HS3ST3A1: variants seen among roughly 807,000 people sequenced by gnomAD.
The protein encoded by HS3ST3A1 is heparan sulfate-glucosamine 3-sulfotransferase 3A1, also known as heparan sulfate glucosamine 3-O-sulfotransferase 3A1.
Under a neutral mutation model 25.7 loss-of-function variants are expected in HS3ST3A1, and 19 were observed. That is an observed-to-expected ratio of 0.74 (90% CI 0.52 to 1.08). HS3ST3A1 has a LOEUF of 1.08. Ranked by LOEUF, HS3ST3A1 falls within the 50% of genes least tolerant of loss-of-function variation. The pLI is 0.00. For synonymous variants in HS3ST3A1, 226 were observed against 278.6 expected (o/e 0.81, Z 1.88); for missense variants, 459 against 594.3 (o/e 0.77, Z 2.37).
intron 1 of HS3ST3A1, among the ~76,000 whole-genome samples, chr17:13,547,865 G>A (rs1907129631): frequency 6.7e-6 from 1 of 148,966 alleles, no homozygotes; most frequent in Non-Finnish European, 1.5e-5. Flanking sequence ...CTAACTCCAG[G>A]TAGATAGTGT....
chr17:13,502,810 A>G (rs1344143506), intron 1 of HS3ST3A1, among the ~76,000 whole-genome samples: 1 of 152,154 alleles, frequency 6.6e-6, no homozygotes, highest in Non-Finnish European at 1.5e-5. Flanking sequence ...TTTTGGAAGG[A>G]AACGTAGAAC....
intron 1 of HS3ST3A1, among the ~76,000 whole-genome samples, chr17:13,501,980 G>A (rs560587437): frequency 1.6e-4 from 24 of 152,236 alleles, no homozygotes; most frequent in African/African-American, 3.9e-4. Flanking sequence ...AGATGGGCTC[G>A]GTTTTTAAGG....
chr17:13,556,704 TAGTC>T (rs1321140130), intron 1 of HS3ST3A1, among the ~76,000 whole-genome samples: 1 of 145,924 alleles, frequency 6.9e-6, no homozygotes, highest in Non-Finnish European at 1.5e-5. Context: ...ATACAAAAAT[TAGTC>T]AGGCGTGGTG....
chr17:13,557,116 C>T (rs1907403886), intron 1 of HS3ST3A1, among the ~76,000 whole-genome samples: 1 of 152,326 alleles, frequency 6.6e-6, no homozygotes, highest in South Asian at 2.1e-4. Context: ...AAGCAAACAT[C>T]TAGCCCAGCA....
chr17:13,547,188 G>A (rs970847538), intron 1 of HS3ST3A1, among the ~76,000 whole-genome samples: 1 of 152,086 alleles, frequency 6.6e-6, no homozygotes, highest in African/African-American at 2.4e-5. Flanking sequence ...CTAACACTAT[G>A]TCTTTCCTTT....
At position 13,558,619 on chromosome 17, in the gene HS3ST3A1, T is replaced by C. The variant is rs77697612; in HGVS notation, c.599+41912A>G. Reference sequence around the variant, plus strand: ...GTAACTATTCCAGTTTTATTTTCTTTAAAACGATCTCTATCTATCTGTAGC... The same window carrying C: ...GTAACTATTCCAGTTTTATTTTCTTCAAAACGATCTCTATCTATCTGTAGC... On this transcript the variant is annotated intron_variant, in intron 1 of 1. Coordinates refer to ENST00000284110, the MANE Select transcript of HS3ST3A1 (RefSeq NM_006042.3). Among the ~76,000 whole-genome samples the C allele has an allele frequency of 4.3e-4, 66 of 152,304 alleles. 1 individual carries two copies. The East Asian group carries it at 0.013, about 29-fold the overall frequency.
chr17:13,523,446 G>A (rs1051059130), intron 1 of HS3ST3A1, among the ~76,000 whole-genome samples: 4 of 152,172 alleles, frequency 2.6e-5, no homozygotes, highest in Middle Eastern at 3.2e-3. Context: ...AAGAGGAAAC[G>A]AAAAGGATGC....
At chr17:13,498,837 A>G (rs1328440444) in intron 1 of HS3ST3A1, among the ~76,000 whole-genome samples, 1 of 152,140 alleles carries the variant, frequency 6.6e-6, no homozygotes, top group African/African-American at 2.4e-5. Flanking sequence ...ATAAACGTGT[A>G]TGCCTTTTCT....
In HS3ST3A1 at chr17:13,600,680, C is replaced by T. The variant is rs1908700277; in HGVS notation, c.450G>A (p.Lys150=). The T allele has an allele frequency of 6.3e-7, 1 of 1,584,074 alleles. No homozygotes were observed. Among genetic ancestry groups the T allele is most frequent in the East Asian group, 2.3e-5 (1 of 43,932 alleles). Residue 150 remains lysine (K), a synonymous_variant, in exon 1 of 2, where the codon AAG becomes AAA. Coordinates refer to ENST00000284110, the MANE Select transcript of HS3ST3A1 (RefSeq NM_006042.3). ...TLALLLDEGS[K]QLPQAIIIGV... is the part of the protein sequence containing the mutation. Reference sequence around the variant, plus strand: ...CGATGATGATGGCCTGCGGCAGCTGCTTGCTGCCTTCGTCCAGGAGCAGCG... The same window carrying T: ...CGATGATGATGGCCTGCGGCAGCTGTTTGCTGCCTTCGTCCAGGAGCAGCG...
intron 1 of HS3ST3A1, among the ~76,000 whole-genome samples, chr17:13,551,176 G>C (rs9905396): frequency 6.6e-6 from 1 of 150,870 alleles, no homozygotes; most frequent in Non-Finnish European, 1.5e-5. Flanking sequence ...ATGAAACCCC[G>C]TCTCTATTAA....
intron 1 of HS3ST3A1, among the ~76,000 whole-genome samples, chr17:13,533,355 G>A (rs916228299): frequency 3.3e-5 from 5 of 151,786 alleles, no homozygotes; most frequent in African/African-American, 9.7e-5. Context: ...TATCCTCACA[G>A]CAACCTTGAA....
intron 1 of HS3ST3A1, chr17:13,543,666 G>C (rs1567619314): frequency 6.3e-6 from 1 of 158,854 alleles, no homozygotes; most frequent in Admixed American, 6.5e-5. Flanking sequence ...TGTGAATCTA[G>C]AAGGAAATCT....
At chr17:13,506,104 G>A (rs763319086) in intron 1 of HS3ST3A1, among the ~76,000 whole-genome samples, 14 of 147,610 alleles carry the variant, frequency 9.5e-5, no homozygotes, top group Non-Finnish European at 2.1e-4. Context: ...TTTAAAGTTA[G>A]GGTTTCTGCA....
At chr17:13,571,667 T>C (rs1907816990) in intron 1 of HS3ST3A1, among the ~76,000 whole-genome samples, 1 of 152,218 alleles carries the variant, frequency 6.6e-6, no homozygotes, top group South Asian at 2.1e-4. Context: ...TTTAGTAAAA[T>C]GTAAAGAATA....
chr17:13,540,448 C>A (rs1205510427), intron 1 of HS3ST3A1, among the ~76,000 whole-genome samples: 2 of 152,170 alleles, frequency 1.3e-5, no homozygotes, highest in Admixed American at 6.5e-5. Context: ...TTCTAGGGTT[C>A]CTTCCATCTT....
chr17:13,596,611 T>C (rs960845540), intron 1 of HS3ST3A1, among the ~76,000 whole-genome samples: 3 of 152,078 alleles, frequency 2.0e-5, no homozygotes, highest in Non-Finnish European at 4.4e-5. Context: ...TACGCTAGAC[T>C]CAGAGTCCAA....
At chr17:13,573,170 C>T (rs114474819) in intron 1 of HS3ST3A1, among the ~76,000 whole-genome samples, 82 of 152,240 alleles carry the variant, frequency 5.4e-4, no homozygotes, top group Middle Eastern at 3.4e-3. Flanking sequence ...ATGACCTTTC[C>T]CCAACCTCTA....
intron 1 of HS3ST3A1, among the ~76,000 whole-genome samples, chr17:13,538,012 G>C (rs1388924865): frequency 1.3e-5 from 2 of 152,116 alleles, no homozygotes; most frequent in Non-Finnish European, 2.9e-5. Flanking sequence ...ACATTCTTTA[G>C]CGATTGCTTT....
At chr17:13,515,170 T>A (rs1187102564) in intron 1 of HS3ST3A1, among the ~76,000 whole-genome samples, 1 of 152,172 alleles carries the variant, frequency 6.6e-6, no homozygotes, top group East Asian at 1.9e-4. Context: ...TGCAATAACA[T>A]ATATTTTCTG....
Sources: gnomAD v4.1 joint callset for allele counts (sites outside exome capture counted in the v4.1 genomes callset) on GRCh38, gnomAD v4.1.1 for gene constraint, MANE v1.5 for transcripts, NCBI Gene and HGNC (gene_info 2026-07-23, HGNC 2026-07-21) for gene names.